CACNB2: variants seen among roughly 807,000 people sequenced by gnomAD.
The protein encoded by CACNB2 is voltage-dependent L-type calcium channel subunit beta-2.
In CACNB2, 42 loss-of-function variants were observed where a neutral mutation model predicts 73.3. The observed-to-expected ratio is 0.57, with a 90% CI of 0.45 to 0.74. The LOEUF (loss-of-function observed/expected upper bound fraction) is 0.74, where lower values mean the gene tolerates loss of function less well. Ranked by LOEUF, CACNB2 falls within the 30% of genes least tolerant of loss-of-function variation. The pLI, the probability that CACNB2 is intolerant of heterozygous loss-of-function variation, is 0.00. For missense variants in CACNB2, 940 were observed against 853.0 expected, an observed-to-expected ratio of 1.10 and a Z score of -1.27; for synonymous variants, 348 against 310.3, an observed-to-expected ratio of 1.12 and a Z score of -1.28.
intron 13 of CACNB2, among the ~76,000 whole-genome samples, chr10:18,538,752 T>C (rs1564675402): frequency 6.6e-6 from 1 of 152,160 alleles, no homozygotes; most frequent in East Asian, 1.9e-4. Flanking sequence ...CAAGAGATGA[T>C]CTTATAGGGC....
intron 2 of CACNB2, among the ~76,000 whole-genome samples, chr10:18,367,076 T>C (rs951975682): frequency 3.9e-5 from 6 of 152,362 alleles, no homozygotes; most frequent in African/African-American, 1.4e-4. Context: ...ACGATGAGCC[T>C]TCTGAAGTGG....
At chr10:18,160,991 C>T (rs1196410107) in intron 2 of CACNB2, among the ~76,000 whole-genome samples, 1 of 152,128 alleles carries the variant, frequency 6.6e-6, no homozygotes, top group African/African-American at 2.4e-5. Context: ...GTTACAAAGA[C>T]CTGAGTTGGT....
At chr10:18,272,362 C>A (rs1360867221) in intron 2 of CACNB2, among the ~76,000 whole-genome samples, 2 of 152,118 alleles carry the variant, frequency 1.3e-5, no homozygotes, top group African/African-American at 2.4e-5. Context: ...CCCTTCCTCT[C>A]CCCCAAGGTT....
intron 5 of CACNB2, among the ~76,000 whole-genome samples, chr10:18,501,945 C>A (rs1589566942): frequency 6.6e-6 from 1 of 152,144 alleles, no homozygotes; most frequent in African/African-American, 2.4e-5. Context: ...TTCATTAATT[C>A]CTGGGTTATT....
chr10:18,462,465 G>T (rs899854572), intron 3 of CACNB2, among the ~76,000 whole-genome samples: 3 of 152,062 alleles, frequency 2.0e-5, no homozygotes, highest in African/African-American at 7.2e-5. Flanking sequence ...TGTTGCCCAG[G>T]CTGGCCTCAT....
intron 3 of CACNB2, among the ~76,000 whole-genome samples, chr10:18,492,233 C>T (rs1478267929): frequency 2.0e-5 from 3 of 152,158 alleles, no homozygotes; most frequent in African/African-American, 4.8e-5. Context: ...TACCAGGCCC[C>T]ACCTCCCACA....
intron 2 of CACNB2, among the ~76,000 whole-genome samples, chr10:18,186,174 C>G (rs1463450668): frequency 6.6e-6 from 1 of 152,108 alleles, no homozygotes; most frequent in Non-Finnish European, 1.5e-5. Context: ...AATCCCAGCA[C>G]TTCGGGAGGT....
chr10:18,287,093 C>G (rs564658588), intron 2 of CACNB2, among the ~76,000 whole-genome samples: 6 of 152,210 alleles, frequency 3.9e-5, no homozygotes, highest in South Asian at 4.1e-4. Context: ...CTTTGGGAGG[C>G]TGAGGTGGGT....
intron 2 of CACNB2, among the ~76,000 whole-genome samples, chr10:18,341,451 ACAGT>A (rs1417666982): frequency 6.6e-6 from 1 of 152,220 alleles, no homozygotes; most frequent in Non-Finnish European, 1.5e-5. Context: ...TACAAACATG[ACAGT>A]CTAAAGTTTA....
chr10:18,343,765 G>C (rs908161228), intron 2 of CACNB2, among the ~76,000 whole-genome samples: 1 of 152,182 alleles, frequency 6.6e-6, no homozygotes, highest in Non-Finnish European at 1.5e-5. Context: ...CCCTTGTGAA[G>C]TGTGACTTCT....
At chr10:18,532,726 A>C (rs570304881) in intron 10 of CACNB2, among the ~76,000 whole-genome samples, 22 of 150,386 alleles carry the variant, frequency 1.5e-4, no homozygotes, top group African/African-American at 4.5e-4. Flanking sequence ...AACAAAAAAA[A>C]CAAAAAAACC....
At chr10:18,408,023 G>A (rs2044390632) in intron 3 of CACNB2, among the ~76,000 whole-genome samples, 1 of 151,964 alleles carries the variant, frequency 6.6e-6, no homozygotes, top group African/African-American at 2.4e-5. Context: ...TGAAAATAAA[G>A]TGTAAGAAGC....
intron 2 of CACNB2, chr10:18,261,154 C>T (rs1481252867): frequency 1.5e-5 from 23 of 1,538,748 alleles, no homozygotes; most frequent in Non-Finnish European, 1.9e-5. Context: ...GTGATTTGCT[C>T]ATGCCTCTTA....
chr10:18,450,691 C>T (rs1477543530), intron 3 of CACNB2, among the ~76,000 whole-genome samples: 1 of 147,298 alleles, frequency 6.8e-6, no homozygotes, highest in African/African-American at 2.5e-5. Context: ...GGTGCCATCT[C>T]GGCTCACTGC....
At chr10:18,521,769 G>A (rs1298240059) in intron 9 of CACNB2, among the ~76,000 whole-genome samples, 1 of 152,176 alleles carries the variant, frequency 6.6e-6, no homozygotes, top group Non-Finnish European at 1.5e-5. Flanking sequence ...GTTATTACAG[G>A]GGACCTGGAA....
intron 2 of CACNB2, among the ~76,000 whole-genome samples, chr10:18,358,129 C>T (rs1352984465): frequency 6.6e-6 from 1 of 152,218 alleles, no homozygotes; most frequent in African/African-American, 2.4e-5. Flanking sequence ...CTCTGTCACC[C>T]AAGCTAGAGG....
intron 1 of CACNB2, among the ~76,000 whole-genome samples, chr10:18,144,785 T>TA (rs1243587347): frequency 6.6e-6 from 1 of 152,272 alleles, no homozygotes; most frequent in African/African-American, 2.4e-5. Context: ...AATGCATTGT[T>TA]ACAATTAATT....
chr10:18,412,776 C>T (rs2044708142), intron 3 of CACNB2, among the ~76,000 whole-genome samples: 1 of 152,208 alleles, frequency 6.6e-6, no homozygotes, highest in African/African-American at 2.4e-5. Context: ...CAGGCCTTGG[C>T]CTCCTGATGT....
intron 3 of CACNB2, among the ~76,000 whole-genome samples, chr10:18,441,971 G>A (rs959003390): frequency 1.1e-4 from 17 of 152,120 alleles, no homozygotes; most frequent in African/African-American, 3.9e-4. Context: ...TACAGTTAAG[G>A]TAATTAATGT....
Sources: gnomAD v4.1 joint callset for allele counts (sites outside exome capture counted in the v4.1 genomes callset) on GRCh38, gnomAD v4.1.1 for gene constraint, MANE v1.5 for transcripts, NCBI Gene and HGNC (gene_info 2026-07-23, HGNC 2026-07-21) for gene names.